Variants in PPP6R1 observed in about 807,000 individuals in gnomAD.
PPP6R1 encodes the protein protein phosphatase 6 regulatory subunit 1, also known as serine/threonine-protein phosphatase 6 regulatory subunit 1.
In PPP6R1, 39 loss-of-function variants were observed where a neutral mutation model predicts 104.6. The ratio of observed to expected loss-of-function variants is 0.37; its 90% CI spans 0.29 to 0.49. The LOEUF (loss-of-function observed/expected upper bound fraction) is 0.49. PPP6R1 is among the 20% of genes least tolerant of loss of function. The pLI, the probability that PPP6R1 is intolerant of heterozygous loss-of-function variation, is 0.98. For synonymous variants in PPP6R1, 549 were observed against 479.0 expected (o/e 1.15, Z -1.91); for missense variants, 1,181 against 1,155.8 (o/e 1.02, Z -0.32).
At chr19:55,253,384 G>T (rs917013463) in intron 1 of PPP6R1, among the ~76,000 whole-genome samples, 2 of 152,186 alleles carry the variant, frequency 1.3e-5, no homozygotes, top group Non-Finnish European at 2.9e-5. Context: ...GCACAGGCAT[G>T]GCCCTCGGCC....
At chr19:55,230,592 C>T (rs565313273) in intron 23 of PPP6R1, 21 bp downstream of exon 23, 58 of 1,612,654 alleles carry the variant, frequency 3.6e-5, no homozygotes, top group East Asian at 6.7e-5. Context: ...CTACCCAGCC[C>T]GAGGCTGCAG....
At chr19:55,230,977 G>T in intron 21 of PPP6R1, 93 bp from the exon 22 acceptor site, 1 of 1,111,478 alleles carries the variant, frequency 9.0e-7, no homozygotes, top group South Asian at 1.4e-5. Context: ...CGGCTCACTG[G>T]GTGTGTGTCT....
chr19:55,256,202 C>G (rs1408304039), intron 1 of PPP6R1, among the ~76,000 whole-genome samples: 1 of 152,228 alleles, frequency 6.6e-6, no homozygotes, highest in Non-Finnish European at 1.5e-5. Context: ...ACACAACTCA[C>G]CAACTCACAG....
chr19:55,250,912 C>T (rs939024718), intron 1 of PPP6R1, among the ~76,000 whole-genome samples: 21 of 152,178 alleles, frequency 1.4e-4, no homozygotes, highest in Non-Finnish European at 2.8e-4. Context: ...AAATCAGAAC[C>T]GCCCTCTCAT....
At chr19:55,244,718 T>C (rs2087490951) in intron 5 of PPP6R1, among the ~76,000 whole-genome samples, 1 of 152,096 alleles carries the variant, frequency 6.6e-6, no homozygotes. Context: ...TGGTTCTCAA[T>C]GCTCTCTTTT....
chr19:55,237,128 A>AG (rs886740788), intron 15 of PPP6R1, among the ~76,000 whole-genome samples, 158 bp from the exon 16 acceptor site: 33 of 152,354 alleles, frequency 2.2e-4, no homozygotes, highest in Non-Finnish European at 4.9e-4. Context: ...ACTGGTCCTA[A>AG]GGGGCAACGC....
chr19:55,250,063 G>A (rs1010709411), intron 1 of PPP6R1, among the ~76,000 whole-genome samples: 2 of 152,168 alleles, frequency 1.3e-5, no homozygotes, highest in Non-Finnish European at 2.9e-5. Flanking sequence ...TGCACAGCCC[G>A]TGGCTGCCTG....
chr19:55,235,191 G>A (rs1367700499), intron 17 of PPP6R1, among the ~76,000 whole-genome samples: 2 of 149,414 alleles, frequency 1.3e-5, no homozygotes, highest in African/African-American at 4.9e-5. Context: ...AGCGACTCTG[G>A]GGCCGGCCAG....
At chr19:55,253,188 C>T (rs572010906) in intron 1 of PPP6R1, among the ~76,000 whole-genome samples, 2 of 152,248 alleles carry the variant, frequency 1.3e-5, no homozygotes, top group Admixed American at 6.5e-5. Flanking sequence ...ACACTTGTCT[C>T]GGCTCCACAT....
At chr19:55,244,765 G>C (rs576787522) in intron 5 of PPP6R1, among the ~76,000 whole-genome samples, 12 of 148,390 alleles carry the variant, frequency 8.1e-5, no homozygotes, top group Non-Finnish European at 1.6e-4. Flanking sequence ...TTTTTTTTGA[G>C]ACAGGGTCTC....
rs1281199854 is a variant in PPP6R1, at chr19:55,246,871, A to G, written c.227+6T>C. 6.3e-7 allele frequency: 1 copy of G among 1,580,594 alleles called. No homozygotes were observed. Among genetic ancestry groups the G allele is most frequent in the Non-Finnish European group, 8.6e-7 (1 of 1,161,548 alleles). On this transcript the variant is annotated splice_donor_region_variant and intron_variant, in intron 2 of 23. Transcript: ENST00000412770. ...GGACGGGCTGGCCAGGAGCTGGGGA[A>G]CTCACTTGTAGCGCAGCCGCTCCTC...
At position 55,245,939 on chromosome 19, in the gene PPP6R1, C is replaced by A. The variant is rs1302808156; in HGVS notation, c.228-261G>T. On this transcript the variant is annotated intron_variant, in intron 2 of 23. Coordinates refer to ENST00000412770, the MANE Select transcript of PPP6R1 (RefSeq NM_014931.4). The surrounding 1 kb of genome is among the most constrained non-coding windows in gnomAD (Gnocchi z 6.4). Reference sequence around the variant, plus strand: ...ACAAGCTGGTCCTGAAGCTCCTGCGCTTCCCAATCCCCCAGCAGCTAACAC... The same window carrying A: ...ACAAGCTGGTCCTGAAGCTCCTGCGATTCCCAATCCCCCAGCAGCTAACAC... Among the ~76,000 whole-genome samples, 1 of 152,184 alleles carries A rather than the reference C, an allele frequency of 6.6e-6. No individual in the cohort carries two copies. The highest frequency in any genetic ancestry group is 2.4e-5 in the African/African-American group (1 of 41,440).
chr19:55,237,232 A>G (rs755641764), intron 15 of PPP6R1, among the ~76,000 whole-genome samples: 3 of 152,150 alleles, frequency 2.0e-5, no homozygotes, highest in Non-Finnish European at 2.9e-5. Flanking sequence ...GAAGTGAGAA[A>G]ATGGGGCTCG....
Position 55,247,120 on chromosome 19 carries a change from A to G in PPP6R1, c.-6-11T>C, listed in dbSNP as rs1333451589. 2 of 1,609,508 alleles carry G rather than the reference A, an allele frequency of 1.2e-6. No homozygotes were observed. Among genetic ancestry groups the G allele is most frequent in the Non-Finnish European group, 1.7e-6 (2 of 1,178,376 alleles). On this transcript the variant is annotated splice_polypyrimidine_tract_variant and intron_variant, in intron 1 of 23. Coordinates refer to ENST00000412770, the MANE Select transcript of PPP6R1 (RefSeq NM_014931.4). Reference sequence around the variant, plus strand: ...CCAAAACATGGCGCCCTGCAGGCATAGACACAACCAGCGCCGCGTCAGACG... The same window carrying G: ...CCAAAACATGGCGCCCTGCAGGCATGGACACAACCAGCGCCGCGTCAGACG...
rs75223752 is a variant in PPP6R1, at chr19:55,241,564, C to T, written c.921G>A (p.Leu307=). ...GQLELLAQGA[L]ESTVSSVGAL... ...CGCCCACACTGGACACAGTGCTTTCCAGGGCCCCCTGGGCCAGGAGCTCCA... is the reference window on the plus strand; with the variant it reads ...CGCCCACACTGGACACAGTGCTTTCTAGGGCCCCCTGGGCCAGGAGCTCCA... The change falls in exon 8 of 24, where the codon CTG becomes CTA. Residue 307 remains leucine (L), a synonymous_variant. Coordinates refer to ENST00000412770, the MANE Select transcript of PPP6R1 (RefSeq NM_014931.4). The surrounding 1 kb of genome is among the most constrained non-coding windows in gnomAD (Gnocchi z 5.4). 9.5e-6 allele frequency: 15 copies of T among 1,582,378 alleles called. No homozygotes were observed. The African/African-American group carries it at 2.0e-4, about 21-fold the overall frequency.
At chr19:55,255,740 C>G (rs1482178563) in intron 1 of PPP6R1, 2 of 152,522 alleles carry the variant, frequency 1.3e-5, no homozygotes, top group African/African-American at 4.8e-5. Context: ...CTGGGCTGCT[C>G]CCTCCTCCTT....
chr19:55,258,748 T>A lies in PPP6R1; in HGVS notation c.-320A>T, dbSNP rs1381587336. 2 of 151,206 alleles carry A rather than the reference T, an allele frequency of 1.3e-5. No individual in the cohort carries two copies. Among genetic ancestry groups the A allele is most frequent in the Non-Finnish European group, 1.5e-5 (1 of 67,722 alleles). 9.4% of individuals were successfully genotyped at this position (151,206 alleles called of 1,614,324 possible). A position where few individuals can be genotyped will look rare whatever the true frequency, so the allele number is the denominator to read the frequency against. On this transcript the variant is annotated 5_prime_UTR_variant, in exon 1 of 24. Transcript: ENST00000412770. ...AGGTGGGCGTGCGGGCCGAGGCGGG[T>A]TGGCGAGCCGGGTCGCGAGGCCCAC...
chr19:55,228,233 C>T (rs1184545209), downstream of PPP6R1: 7 of 1,612,170 alleles, frequency 4.3e-6, no homozygotes, highest in Non-Finnish European at 5.9e-6. Flanking sequence ...GCGTCCCCCA[C>T]AGCCGAGCAC....
chr19:55,232,516 C>T, intron 17 of PPP6R1: 1 of 373,958 alleles, frequency 2.7e-6, no homozygotes, highest in South Asian at 5.0e-5. Context: ...GCAACCAGAG[C>T]AGACAGACCC....
Sources: gnomAD v4.1 joint callset for allele counts (sites outside exome capture counted in the v4.1 genomes callset) on GRCh38, gnomAD v4.1.1 for gene constraint, Gnocchi (gnomAD v3.1) non-coding constraint, MANE v1.5 for transcripts, NCBI Gene and HGNC (gene_info 2026-07-23, HGNC 2026-07-21) for gene names.